The following ATP11A variants were observed in gnomAD, a reference collection of about 807,000 sequenced individuals.
ATP11A encodes phospholipid-transporting ATPase IH.
In ATP11A, 81 loss-of-function variants were observed where a neutral mutation model predicts 154.4. The ratio of observed to expected loss-of-function variants is 0.52; its 90% CI spans 0.44 to 0.63. The LOEUF (loss-of-function observed/expected upper bound fraction) is 0.63, where lower values mean the gene tolerates loss of function less well. Ranked by LOEUF, ATP11A falls within the 30% of genes least tolerant of loss-of-function variation. The pLI is 0.00. For synonymous variants in ATP11A, 623 were observed against 585.9 expected, an observed-to-expected ratio of 1.06 and a Z score of -0.91; for missense variants, 1,316 against 1,474.3, an observed-to-expected ratio of 0.89 and a Z score of 1.76.
intron 16 of ATP11A, among the ~76,000 whole-genome samples, chr13:112,839,273 G>A (rs2079327609): frequency 6.6e-6 from 1 of 152,064 alleles, no homozygotes; most frequent in Non-Finnish European, 1.5e-5. Flanking sequence ...AGAAGAAAAG[G>A]AGAGTACATA....
chr13:112,871,547 C>G (rs995087344), intron 25 of ATP11A, among the ~76,000 whole-genome samples, 188 bp from the exon 26 acceptor site: 1 of 152,130 alleles, frequency 6.6e-6, no homozygotes, highest in Non-Finnish European at 1.5e-5. Context: ...ATGGGGGCGT[C>G]CTGCCGTGCT....
chr13:112,794,131 A>G (rs2077934703), intron 2 of ATP11A, among the ~76,000 whole-genome samples: 1 of 152,176 alleles, frequency 6.6e-6, no homozygotes, highest in Admixed American at 6.5e-5. Flanking sequence ...GTTTTCCCAG[A>G]TTTCCTGTAG....
At chr13:112,858,059 T>C (rs950958755) in intron 21 of ATP11A, 86 bp from the exon 22 acceptor site, 2 of 1,579,610 alleles carry the variant, frequency 1.3e-6, no homozygotes, top group African/African-American at 1.3e-5. Flanking sequence ...CTCATGATGA[T>C]GGTTTCATCC....
chr13:112,843,204 GC>G (rs1420221544), intron 17 of ATP11A, among the ~76,000 whole-genome samples: 6 of 152,108 alleles, frequency 3.9e-5, no homozygotes, highest in Non-Finnish European at 8.8e-5. Context: ...CCTGTGAGAT[GC>G]CCTAAAGCTA....
Position 112,785,796 on chromosome 13 carries a change from A to G in ATP11A, c.162+539A>G, listed in dbSNP as rs1278663. ...CGAAGCGTGTTTCTCTCCATGGACTAGAGCGTGGAAGTGCACACACATTTC... is the reference window on the plus strand; with the variant it reads ...CGAAGCGTGTTTCTCTCCATGGACTGGAGCGTGGAAGTGCACACACATTTC... On this transcript the variant is annotated intron_variant, in intron 2 of 29. Coordinates refer to ENST00000375645, the MANE Select transcript of ATP11A (RefSeq NM_015205.3). The surrounding 1 kb of genome is among the most constrained non-coding windows in gnomAD (Gnocchi z 4.8). Among the ~76,000 whole-genome samples, 127,424 of 151,960 alleles carry G rather than the reference A, an allele frequency of 0.84. 53,605 individuals are homozygous for G. The highest frequency in any genetic ancestry group is 0.97 in the Middle Eastern group (286 of 294).
chr13:112,773,138 C>T (rs1162603190), intron 1 of ATP11A, among the ~76,000 whole-genome samples: 2 of 152,270 alleles, frequency 1.3e-5, no homozygotes, highest in Non-Finnish European at 2.9e-5. Context: ...ATCCATCTCT[C>T]TCCCCAGAGG....
At chr13:112,782,845 C>T (rs9577390) in intron 1 of ATP11A, among the ~76,000 whole-genome samples, 46,226 of 152,148 alleles carry the variant, frequency 0.3, 8,080 homozygotes, top group Middle Eastern at 0.45. Context: ...AGGAAAACTG[C>T]GTCTGGCTCA....
intron 1 of ATP11A, among the ~76,000 whole-genome samples, chr13:112,738,615 T>G (rs1891225761): frequency 6.6e-6 from 1 of 152,216 alleles, no homozygotes; most frequent in South Asian, 2.1e-4. Flanking sequence ...CAGGTGGATC[T>G]GCCAAGCAGG....
At chr13:112,761,049 C>T (rs565772188) in intron 1 of ATP11A, among the ~76,000 whole-genome samples, 1 of 152,296 alleles carries the variant, frequency 6.6e-6, no homozygotes, top group African/African-American at 2.4e-5. Flanking sequence ...AACCTGGCTC[C>T]GCCTGCTCCA....
intron 17 of ATP11A, among the ~76,000 whole-genome samples, chr13:112,842,836 A>G (rs756004216): frequency 5.9e-5 from 9 of 152,214 alleles, no homozygotes; most frequent in Non-Finnish European, 7.3e-5. Flanking sequence ...CTTGTATGAT[A>G]AGGTTTCTTT....
At chr13:112,730,532 T>C (rs1890375330) in intron 1 of ATP11A, among the ~76,000 whole-genome samples, 1 of 152,168 alleles carries the variant, frequency 6.6e-6, no homozygotes, top group African/African-American at 2.4e-5. Context: ...GTGCTAGGCA[T>C]GGGACACACA....
chr13:112,856,969 G>A (rs552544750), intron 20 of ATP11A, among the ~76,000 whole-genome samples: 4 of 152,314 alleles, frequency 2.6e-5, no homozygotes, highest in Admixed American at 2.0e-4. Flanking sequence ...CCTTCCATGT[G>A]AGGAAGACGG....
In ATP11A at chr13:112,859,816, C is replaced by G. The variant is rs551030832; in HGVS notation, c.2727+364C>G. Among the ~76,000 whole-genome samples, 94 of 152,360 alleles carry G rather than the reference C, an allele frequency of 6.2e-4. No individual in the cohort carries two copies. The highest frequency in any genetic ancestry group is 2.2e-3 in the African/African-American group (91 of 41,588). ...TTGTGGACATGGGCCACCCCGGTGC[C>G]TGGCACGTTAACACATGCAACGTGC... On this transcript the variant is annotated intron_variant, in intron 23 of 29. Transcript: ENST00000375645. The surrounding 1 kb of genome is among the most constrained non-coding windows in gnomAD (Gnocchi z 4.3).
Position 112,826,735 on chromosome 13 carries a change from CTT to C in ATP11A, c.1067_1068del (p.Phe356Ter), listed in dbSNP as rs1401628999. On this transcript the variant is annotated frameshift_variant, in exon 12 of 30. Coordinates refer to ENST00000375645, the MANE Select transcript of ATP11A (RefSeq NM_015205.3). LOFTEE classifies it high-confidence loss of function. Reference protein sequence around the residue: ...FTDFLAFMVLFNYIIPVSMYV... With the variant: ...FTDFLAFMVLXNYIIPVSMYV... ...CGGACTTCCTGGCCTTCATGGTCCT[CTT>C]TAACTACATCATCCCTGTGTCCATG... 6.2e-7 allele frequency: 1 copy of C among 1,614,200 alleles called. No individual in the cohort carries two copies. The highest frequency in any genetic ancestry group is 2.2e-5 in the East Asian group (1 of 44,878).
At chr13:112,846,424 C>T (rs960044568) in intron 17 of ATP11A, among the ~76,000 whole-genome samples, 1 of 152,188 alleles carries the variant, frequency 6.6e-6, no homozygotes, top group African/African-American at 2.4e-5. Context: ...GCAGGACACC[C>T]CTCTCCTCAA....
intron 8 of ATP11A, among the ~76,000 whole-genome samples, chr13:112,820,705 C>T (rs1051721938): frequency 6.6e-6 from 1 of 152,228 alleles, no homozygotes; most frequent in Non-Finnish European, 1.5e-5. Context: ...TTGAATGTCA[C>T]AGTTTAGGGA....
chr13:112,714,895 C>A (rs921717889), intron 1 of ATP11A, among the ~76,000 whole-genome samples: 7 of 152,200 alleles, frequency 4.6e-5, no homozygotes, highest in Non-Finnish European at 1.0e-4. Flanking sequence ...AGAACTTCCG[C>A]TTCTTCCCAA....
chr13:112,750,055 G>C (rs2076657598), intron 1 of ATP11A, among the ~76,000 whole-genome samples: 1 of 75,044 alleles, frequency 1.3e-5, no homozygotes, highest in Admixed American at 1.2e-4. Flanking sequence ...TCCCACGTGG[G>C]GACACGCCTG....
chr13:112,762,972 A>G (rs565066476), intron 1 of ATP11A, among the ~76,000 whole-genome samples: 2 of 152,314 alleles, frequency 1.3e-5, no homozygotes, highest in Admixed American at 1.3e-4. Context: ...GAATAAAACC[A>G]TTCTTCAGTT....
Sources: gnomAD v4.1 joint callset for allele counts (sites outside exome capture counted in the v4.1 genomes callset) on GRCh38, gnomAD v4.1.1 for gene constraint, Gnocchi (gnomAD v3.1) non-coding constraint, MANE v1.5 for transcripts, NCBI Gene and HGNC (gene_info 2026-07-23, HGNC 2026-07-21) for gene names.